The following NDST3 variants were observed in gnomAD, a reference collection of about 807,000 sequenced individuals.
The protein encoded by NDST3 is N-deacetylase and N-sulfotransferase 3, also known as bifunctional heparan sulfate N-deacetylase/N-sulfotransferase 3.
A neutral mutation model predicts 96.1 loss-of-function variants in NDST3; 58 were observed. That is an observed-to-expected ratio of 0.60 (90% CI 0.49 to 0.75). The LOEUF is 0.75. NDST3 is among the 30% of genes least tolerant of loss of function. The pLI is 0.00. For synonymous variants in NDST3, 333 were observed against 359.7 expected (o/e 0.93, Z 0.84); for missense variants, 788 against 1,034.2 (o/e 0.76, Z 3.27).
rs182007076 is a variant in NDST3 at position 118,161,825 on chromosome 4, C to T, written c.1539+18141C>T. 3.7e-4 allele frequency among the ~76,000 whole-genome samples: 56 copies of T among 152,254 alleles called. 1 individual carries two copies. In the East Asian group the frequency reaches 6.4e-3, roughly 17 times the overall value. On this transcript the variant is annotated intron_variant, in intron 6 of 13. Coordinates refer to ENST00000296499, the MANE Select transcript of NDST3 (RefSeq NM_004784.3). ...GAACTCCCTGATCCCTTGAGCTTCC[C>T]GAGTGAGGCAATGCTTCACCCTGCT...
chr4:118,188,534 G>A (rs993110182), intron 6 of NDST3, among the ~76,000 whole-genome samples: 2 of 151,934 alleles, frequency 1.3e-5, no homozygotes, highest in Admixed American at 6.6e-5. Context: ...ATAGGCTATC[G>A]CAGATAATTT....
intron 6 of NDST3, among the ~76,000 whole-genome samples, chr4:118,144,604 A>C (rs968800499): frequency 6.6e-6 from 1 of 152,218 alleles, no homozygotes; most frequent in Non-Finnish European, 1.5e-5. Flanking sequence ...TAAGCTGCAT[A>C]AGGAAAAGAA....
At chr4:118,201,815 T>C (rs1382767203) in intron 6 of NDST3, among the ~76,000 whole-genome samples, 1 of 152,148 alleles carries the variant, frequency 6.6e-6, no homozygotes, top group Non-Finnish European at 1.5e-5. Flanking sequence ...CTTGTTGTTG[T>C]TGTTGTTGCA....
intron 2 of NDST3, among the ~76,000 whole-genome samples, chr4:118,100,571 G>A (rs1314474368): frequency 6.6e-6 from 1 of 152,048 alleles, no homozygotes; most frequent in Non-Finnish European, 1.5e-5. Context: ...AAAACTAAAA[G>A]TGACAGTTAA....
chr4:118,070,305 G>A (rs922711750), intron 2 of NDST3, among the ~76,000 whole-genome samples: 1 of 152,036 alleles, frequency 6.6e-6, no homozygotes, highest in Non-Finnish European at 1.5e-5. Flanking sequence ...AGGGTGAACA[G>A]AACACTGCTT....
intron 4 of NDST3, among the ~76,000 whole-genome samples, chr4:118,122,149 A>G (rs185204726): frequency 2.2e-4 from 33 of 152,320 alleles, no homozygotes; most frequent in Admixed American, 1.6e-3. Context: ...TACTGTCCAA[A>G]TTTATGTGGA....
intron 12 of NDST3, among the ~76,000 whole-genome samples, chr4:118,252,539 G>T (rs1363318814): frequency 6.6e-6 from 1 of 152,112 alleles, no homozygotes; most frequent in Non-Finnish European, 1.5e-5. Flanking sequence ...GAAATATTTT[G>T]GTAAGATAAA....
chr4:118,173,312 C>T (rs1466642876), intron 6 of NDST3, among the ~76,000 whole-genome samples: 1 of 152,042 alleles, frequency 6.6e-6, no homozygotes, highest in African/African-American at 2.4e-5. Flanking sequence ...GAAACAAGCC[C>T]ACATTCTTTC....
chr4:118,178,980 G>T (rs1258759630), intron 6 of NDST3, among the ~76,000 whole-genome samples: 1 of 151,972 alleles, frequency 6.6e-6, no homozygotes, highest in Non-Finnish European at 1.5e-5. Flanking sequence ...GAAGGCATGA[G>T]GTTAAATATA....
intron 1 of NDST3, among the ~76,000 whole-genome samples, chr4:118,040,871 ATATATATATATT>A (rs1560603302): frequency 7.5e-5 from 4 of 53,326 alleles, no homozygotes; most frequent in African/African-American, 1.3e-4. Flanking sequence ...ATATTTTTAT[ATATATATATATT>A]TATATATATA....
In NDST3 at chr4:118,143,536, T is replaced by G. The variant is rs1479800565; in HGVS notation, c.1411-20T>G. The G allele has an allele frequency of 6.3e-7, 1 of 1,586,996 alleles. No individual in the cohort carries two copies. The highest frequency in any genetic ancestry group is 1.2e-5 in the South Asian group (1 of 84,908). ...TGGAAAAAAAAAAGCTTTTCCTTAC[T>G]TTTTTCATTTTTCCTTCAGGTTCTC... On this transcript the variant is annotated intron_variant, in intron 5 of 13. Transcript: ENST00000296499.
intron 6 of NDST3, among the ~76,000 whole-genome samples, chr4:118,155,589 AT>A (rs1734664601): frequency 1.3e-5 from 2 of 152,226 alleles, no homozygotes; most frequent in Non-Finnish European, 2.9e-5. Flanking sequence ...AATGTTTAAT[AT>A]TAAAGTTCTT....
intron 6 of NDST3, among the ~76,000 whole-genome samples, chr4:118,164,135 T>C (rs1186207263): frequency 6.6e-6 from 1 of 152,148 alleles, no homozygotes; most frequent in Non-Finnish European, 1.5e-5. Flanking sequence ...ATGTGGTACA[T>C]ATACACCATG....
chr4:118,212,181 C>A (rs1738843197), intron 6 of NDST3, among the ~76,000 whole-genome samples: 1 of 152,128 alleles, frequency 6.6e-6, no homozygotes, highest in Non-Finnish European at 1.5e-5. Flanking sequence ...AAAAAACATG[C>A]CACAATGTGC....
At chr4:118,164,519 TATATA>T (rs1351082582) in intron 6 of NDST3, among the ~76,000 whole-genome samples, 2 of 152,110 alleles carry the variant, frequency 1.3e-5, no homozygotes, top group East Asian at 3.9e-4. Flanking sequence ...AATAAAGACC[TATATA>T]AGCAAATACT....
intron 2 of NDST3, among the ~76,000 whole-genome samples, chr4:118,080,276 A>T (rs183624616): frequency 3.2e-4 from 48 of 152,132 alleles, no homozygotes; most frequent in African/African-American, 1.1e-3. Context: ...CCAAGTAGAG[A>T]TGTGCAGGCA....
At chr4:118,070,791 TC>T (rs1726997133) in intron 2 of NDST3, among the ~76,000 whole-genome samples, 1 of 151,898 alleles carries the variant, frequency 6.6e-6, no homozygotes, top group Non-Finnish European at 1.5e-5. Flanking sequence ...ATGCTATCCC[TC>T]CCCACTCCCC....
At chr4:118,038,765 A>G (rs886557118) in intron 1 of NDST3, among the ~76,000 whole-genome samples, 39 of 152,174 alleles carry the variant, frequency 2.6e-4, no homozygotes, top group African/African-American at 9.2e-4. Context: ...TCTTTTAAAT[A>G]TCTTTCATTT....
intron 6 of NDST3, among the ~76,000 whole-genome samples, chr4:118,155,915 G>A (rs562440399): frequency 2.0e-5 from 3 of 152,058 alleles, no homozygotes; most frequent in Non-Finnish European, 4.4e-5. Flanking sequence ...TATTAAGTTG[G>A]AGAAATGAAT....
Sources: gnomAD v4.1 joint callset for allele counts (sites outside exome capture counted in the v4.1 genomes callset) on GRCh38, gnomAD v4.1.1 for gene constraint, MANE v1.5 for transcripts, NCBI Gene and HGNC (gene_info 2026-07-23, HGNC 2026-07-21) for gene names.